POR: variants seen among roughly 807,000 people sequenced by gnomAD.
The protein encoded by POR is cytochrome p450 oxidoreductase, also known as NADPH--cytochrome P450 reductase.
A neutral mutation model predicts 84.0 loss-of-function variants in POR; 56 were observed. The observed-to-expected ratio is 0.67, with a 90% confidence interval of 0.54 to 0.83. The LOEUF (loss-of-function observed/expected upper bound fraction) is 0.83. POR is among the 40% of genes least tolerant of loss of function. The pLI is 0.00. For synonymous variants in POR, 414 were observed against 400.5 expected (o/e 1.03, Z -0.40); for missense variants, 938 against 944.3 (o/e 0.99, Z 0.09).
At chr7:75,958,803 A>T (rs530084088) in intron 2 of POR, among the ~76,000 whole-genome samples, 1 of 113,930 alleles carries the variant, frequency 8.8e-6, no homozygotes, top group Non-Finnish European at 1.8e-5. Context: ...ACATAGGGAG[A>T]CCCCCACCCC....
At chr7:75,929,707 C>T (rs34221172) in intron 1 of POR, among the ~76,000 whole-genome samples, 4,592 of 152,282 alleles carry the variant, frequency 0.03, 101 homozygotes, top group Non-Finnish European at 0.05. Context: ...ACCATTGTTC[C>T]CTGTCAGCTT....
chr7:75,981,013 G>A (rs1788988245), intron 5 of POR, 35 bp from the exon 6 acceptor site: 4 of 1,536,822 alleles, frequency 2.6e-6, no homozygotes, highest in Non-Finnish European at 2.6e-6. Context: ...TCAGGTCGAG[G>A]GCCAGGCCTC....
At position 75,986,039 on chromosome 7, in the gene POR, G is replaced by C; in HGVS notation, c.1786G>C (p.Val596Leu). The change falls in exon 14 of 16, where the codon GTG becomes CTG. Residue 596 changes from valine to leucine, a missense_variant. By Grantham distance (32) the Val-to-Leu change is conservative. Transcript: ENST00000461988. ...GGACGGTGCGCTCACCCAGCTCAAC[G>C]TGGCCTTCTCCCGGGAGCAGTCCCA... 1 of 1,560,732 alleles carries C rather than the reference G, an allele frequency of 6.4e-7. No individual in the cohort carries two copies. The highest frequency in any genetic ancestry group is 1.2e-5 in the South Asian group (1 of 84,928).
rs782465768 is a variant in POR at position 75,984,933 on chromosome 7, T to C, written c.1223T>C (p.Met408Thr). The change falls in exon 11 of 16, where the codon ATG becomes ACG. Residue 408 changes from methionine to threonine, a missense_variant. Physicochemically the swap from Met to Thr is moderately conservative, Grantham distance 81. Coordinates refer to ENST00000461988, the MANE Select transcript of POR (RefSeq NM_000941.3). ...TCGGAGCAGGAGCTGCTGCGCAAGA[T>C]GGCCTCCTCCTCCGGCGAGGGCAAG... The C allele has an allele frequency of 6.2e-7, 1 of 1,601,324 alleles. No homozygotes were observed. Among genetic ancestry groups the C allele is most frequent in the Non-Finnish European group, 8.5e-7 (1 of 1,171,246 alleles).
At chr7:75,960,127 G>A (rs1554554271) in intron 2 of POR, among the ~76,000 whole-genome samples, 1 of 151,684 alleles carries the variant, frequency 6.6e-6, no homozygotes, top group Admixed American at 6.6e-5. Flanking sequence ...TGTCTCTACG[G>A]AAAAAATACA....
At chr7:75,931,992 T>A (rs1807443892) in intron 1 of POR, among the ~76,000 whole-genome samples, 1 of 152,190 alleles carries the variant, frequency 6.6e-6, no homozygotes, top group African/African-American at 2.4e-5. Context: ...CTGCTAGGCC[T>A]CTGTGCACAC....
intron 2 of POR, among the ~76,000 whole-genome samples, chr7:75,971,335 A>G (rs1392131655): frequency 6.6e-6 from 1 of 152,104 alleles, no homozygotes; most frequent in African/African-American, 2.4e-5. Flanking sequence ...GCCATATTTC[A>G]AATCTCCACC....
At chr7:75,958,965 A>T (rs1337456585) in intron 2 of POR, among the ~76,000 whole-genome samples, 7 of 152,218 alleles carry the variant, frequency 4.6e-5, no homozygotes, top group Non-Finnish European at 7.3e-5. Context: ...AGCATTTCTT[A>T]TCTGAAAATC....
chr7:75,945,246 A>G (rs2116360897), intron 1 of POR: 1 of 152,240 alleles, frequency 6.6e-6, no homozygotes, highest in East Asian at 1.9e-4. Flanking sequence ...GCTTCAGTGA[A>G]CAGTGATTGC....
intron 2 of POR, chr7:75,967,911 C>T: frequency 5.1e-6 from 2 of 389,944 alleles, no homozygotes; most frequent in Non-Finnish European, 1.0e-5. Context: ...TCCGAGAGGA[C>T]TTTGGGGTGT....
chr7:75,966,259 C>G (rs1035631902), intron 2 of POR, among the ~76,000 whole-genome samples: 1 of 152,186 alleles, frequency 6.6e-6, no homozygotes, highest in Non-Finnish European at 1.5e-5. Context: ...AGCCAGCTGT[C>G]TCCAGCAGCT....
rs373613946 is a variant in POR, at chr7:75,985,623, C to G, written c.1443C>G (p.Tyr481Ter). 4.4e-6 allele frequency: 7 copies of G among 1,588,300 alleles called. No individual in the cohort carries two copies. Among genetic ancestry groups the G allele is most frequent in the African/African-American group, 1.3e-5 (1 of 74,576 alleles). ...ACATCTGTGCGGTGGTTGTGGAGTA[C>G]GAGACCAAGGCTGGCCGCATCAACA... is the stretch of plus-strand genomic sequence containing the variant. Residue 481 changes from tyrosine to a stop codon, truncating the protein, a stop_gained, in exon 13 of 16, where the codon TAC (tyrosine) becomes TAG (stop). Transcript: ENST00000461988. LOFTEE classifies it high-confidence loss of function.
chr7:75,984,916 G>A lies in POR; in HGVS notation c.1206G>A (p.Gln402=). ...AGTACGCCTCGGAGCCCTCGGAGCA[G>A]GAGCTGCTGCGCAAGATGGCCTCCT... Residue 402 remains glutamine (Q), a synonymous_variant, in exon 11 of 16, where the codon CAG becomes CAA. Coordinates refer to ENST00000461988, the MANE Select transcript of POR (RefSeq NM_000941.3). The A allele has an allele frequency of 6.2e-7, 1 of 1,607,294 alleles. No individual in the cohort carries two copies. Among genetic ancestry groups the A allele is most frequent in the Non-Finnish European group, 8.5e-7 (1 of 1,175,666 alleles).
rs3043448 is a variant in POR at position 75,939,536 on chromosome 7, CTT to C, written c.-4-14432_-4-14431del. Among the ~76,000 whole-genome samples the C allele has an allele frequency of 7.7e-3, 976 of 126,024 alleles. 18 individuals carry two copies. The highest frequency in any genetic ancestry group is 0.054 in the South Asian group (206 of 3,814). The allele number at this position is 126,024 out of a possible 152,430, so 82.7% of individuals were successfully genotyped here. On this transcript the variant is annotated intron_variant, in intron 1 of 15. Coordinates refer to ENST00000461988, the MANE Select transcript of POR (RefSeq NM_000941.3). Reference sequence around the variant, plus strand: ...AGGCCCCACAGGCCCTACTCAACAGCTTTTTTTTTTTTTTTTTTTTTTAAATA... The same window carrying C: ...AGGCCCCACAGGCCCTACTCAACAGCTTTTTTTTTTTTTTTTTTTTAAATA...
chr7:75,954,158 G>A lies in POR; in HGVS notation c.166G>A (p.Glu56Lys), dbSNP rs782151568. Residue 56 changes from glutamate to lysine, a missense_variant, in exon 2 of 16, where the codon GAG (glutamate) becomes AAG (lysine). Glu to Lys is a moderately conservative substitution (Grantham distance 56). Transcript: ENST00000461988. Reference sequence around the variant, plus strand: ...CAGAAAGAAAAAAGAAGAAGTCCCCGAGTTCACCAAAATTCAGACATTGTA... The same window carrying A: ...CAGAAAGAAAAAAGAAGAAGTCCCCAAGTTCACCAAAATTCAGACATTGTA... The A allele has an allele frequency of 9.3e-6, 15 of 1,611,068 alleles. No individual in the cohort carries two copies. Among genetic ancestry groups the A allele is most frequent in the South Asian group, 8.9e-5 (8 of 90,390 alleles).
chr7:75,984,018 C>T (rs567100500), intron 10 of POR, among the ~76,000 whole-genome samples, 162 bp downstream of exon 10: 28 of 152,274 alleles, frequency 1.8e-4, no homozygotes, highest in African/African-American at 4.8e-4. Context: ...AAACGGGAGG[C>T]GGGGTGGCCC....
rs116470626 is a variant in POR at position 75,956,664 on chromosome 7, G to A, written c.188+2484G>A. On this transcript the variant is annotated intron_variant, in intron 2 of 15. Coordinates refer to ENST00000461988, the MANE Select transcript of POR (RefSeq NM_000941.3). ...CGTATTTCGTGCCAGGCACTATGAC[G>A]GGCACGATCAGGACCACAGAGCCAG... Among the ~76,000 whole-genome samples, 1,227 of 152,242 alleles carry A rather than the reference G, an allele frequency of 8.1e-3. 16 individuals carry two copies. The highest frequency in any genetic ancestry group is 0.028 in the African/African-American group (1,174 of 41,554).
intron 1 of POR, among the ~76,000 whole-genome samples, chr7:75,929,267 T>G (rs1350113173): frequency 6.6e-6 from 1 of 152,092 alleles, no homozygotes; most frequent in Non-Finnish European, 1.5e-5. Flanking sequence ...CTCAGTACAC[T>G]TTTTTTGTTT....
At chr7:75,929,918 A>G (rs1449111365) in intron 1 of POR, among the ~76,000 whole-genome samples, 7 of 152,140 alleles carry the variant, frequency 4.6e-5, no homozygotes, top group Admixed American at 2.6e-4. Context: ...GAGAACCATC[A>G]AGACCATTAT....
Sources: allele counts gnomAD v4.1 joint callset (sites outside exome capture counted in the v4.1 genomes callset), GRCh38; gene constraint gnomAD v4.1.1; transcripts MANE v1.5; gene names NCBI Gene and HGNC (gene_info 2026-07-23, HGNC 2026-07-21).